Variants in RBMS3 observed in about 807,000 individuals in gnomAD.
RBMS3 encodes RNA binding motif single stranded interacting protein 3.
A neutral mutation model predicts 66.8 loss-of-function variants in RBMS3; 27 were observed. The observed-to-expected ratio is 0.40, with a 90% CI of 0.30 to 0.56. RBMS3 has a LOEUF of 0.56. Among genes scored for constraint, RBMS3 ranks in the 20% least tolerant of loss-of-function variants. The pLI, the probability that RBMS3 is intolerant of heterozygous loss-of-function variation, is 0.40. For synonymous variants in RBMS3, 188 were observed against 183.0 expected (o/e 1.03, Z -0.22); for missense variants, 513 against 549.5 (o/e 0.93, Z 0.66).
At chr3:29,497,173 C>G (rs1428266660) in intron 3 of RBMS3, among the ~76,000 whole-genome samples, 1 of 151,966 alleles carries the variant, frequency 6.6e-6, no homozygotes, top group Non-Finnish European at 1.5e-5. Flanking sequence ...CCATGCCTGG[C>G]TAATTTTTTG....
intron 4 of RBMS3, among the ~76,000 whole-genome samples, chr3:29,634,196 T>G (rs2049386726): frequency 6.6e-6 from 1 of 151,932 alleles, no homozygotes; most frequent in Non-Finnish European, 1.5e-5. Flanking sequence ...GAGGTGGATT[T>G]TTACTACCTA....
intron 6 of RBMS3, among the ~76,000 whole-genome samples, chr3:29,827,457 C>T (rs2058240401): frequency 6.6e-6 from 1 of 152,092 alleles, no homozygotes; most frequent in African/African-American, 2.4e-5. Flanking sequence ...AAGAAATATC[C>T]TGGCATTATA....
intron 5 of RBMS3, among the ~76,000 whole-genome samples, chr3:29,755,953 T>A (rs896778053): frequency 6.6e-6 from 1 of 152,106 alleles, no homozygotes; most frequent in Admixed American, 6.5e-5. Context: ...GTTAAATAAT[T>A]TTTCTTTTCT....
chr3:29,638,017 A>G (rs962435944), intron 4 of RBMS3, among the ~76,000 whole-genome samples: 1 of 151,898 alleles, frequency 6.6e-6, no homozygotes, highest in Admixed American at 6.6e-5. Context: ...CATGGTTTGT[A>G]AAAGGATACT....
intron 14 of RBMS3, 116 bp downstream of exon 14, chr3:29,991,325 G>C: frequency 1.3e-6 from 2 of 1,510,724 alleles, no homozygotes; most frequent in South Asian, 2.6e-5. Context: ...CTTAGCAACA[G>C]GCATTTATTT....
intron 3 of RBMS3, among the ~76,000 whole-genome samples, chr3:29,506,708 C>A (rs2044194731): frequency 6.6e-6 from 1 of 151,890 alleles, no homozygotes; most frequent in Non-Finnish European, 1.5e-5. Flanking sequence ...AGGTCCCGGA[C>A]TTTTCTTTCA....
At chr3:29,365,233 T>C (rs1267164911) in intron 1 of RBMS3, among the ~76,000 whole-genome samples, 1 of 152,066 alleles carries the variant, frequency 6.6e-6, no homozygotes, top group Non-Finnish European at 1.5e-5. Context: ...TGGAATAATA[T>C]TTGTGGGAAA....
chr3:29,996,676 C>T (rs1699265747), intron 14 of RBMS3, among the ~76,000 whole-genome samples: 3 of 151,808 alleles, frequency 2.0e-5, no homozygotes, highest in East Asian at 1.9e-4. Context: ...CTACTGGGTA[C>T]ATAACGAAAT....
At position 29,667,971 on chromosome 3, in the gene RBMS3, G is replaced by T. The variant is rs376387036; in HGVS notation, c.400-71749G>T. 6.2e-4 allele frequency among the ~76,000 whole-genome samples: 94 copies of T among 152,218 alleles called. 1 individual carries two copies. In the Middle Eastern group the frequency reaches 0.027, roughly 44 times the overall value. On this transcript the variant is annotated intron_variant, in intron 4 of 14. Coordinates refer to ENST00000383767, the MANE Select transcript of RBMS3 (RefSeq NM_001003793.3). The stretch of plus-strand genomic sequence containing the variant: ...ACCAATCAGAATAAGGATAGGAGAT[G>T]TTCACCAAGACACTTCCTTTACTAT...
intron 4 of RBMS3, among the ~76,000 whole-genome samples, chr3:29,634,652 TA>T (rs2049410381): frequency 6.6e-6 from 1 of 151,870 alleles, no homozygotes; most frequent in Non-Finnish European, 1.5e-5. Flanking sequence ...TTTACTGAAT[TA>T]TTCCCCCTTT....
At chr3:29,284,353 C>T (rs1006551518) in intron 1 of RBMS3, among the ~76,000 whole-genome samples, 1 of 152,048 alleles carries the variant, frequency 6.6e-6, no homozygotes, top group African/African-American at 2.4e-5. Context: ...GGGCTATTTA[C>T]TATCATTAGT....
intron 4 of RBMS3, among the ~76,000 whole-genome samples, chr3:29,647,309 G>A (rs773966820): frequency 1.3e-5 from 2 of 152,100 alleles, no homozygotes; most frequent in Non-Finnish European, 1.5e-5. Flanking sequence ...GCTGAAATCT[G>A]AATGCCCAGG....
intron 3 of RBMS3, among the ~76,000 whole-genome samples, chr3:29,546,144 G>GTT (rs964401006): frequency 5.0e-5 from 6 of 119,080 alleles, no homozygotes; most frequent in Admixed American, 4.2e-4. Flanking sequence ...GTGTGTGTGT[G>GTT]TGTGTGTGTT....
chr3:29,862,922 A>G (rs933254650), intron 6 of RBMS3, among the ~76,000 whole-genome samples: 1 of 152,064 alleles, frequency 6.6e-6, no homozygotes, highest in African/African-American at 2.4e-5. Flanking sequence ...AAGGATACTA[A>G]TAAAGATATG....
At chr3:29,968,888 A>C (rs1697043119) in intron 12 of RBMS3, among the ~76,000 whole-genome samples, 1 of 152,180 alleles carries the variant, frequency 6.6e-6, no homozygotes, top group African/African-American at 2.4e-5. Context: ...ATGCGTTAAC[A>C]TTTGACCCTA....
In RBMS3 at chr3:29,929,712, G is replaced by A. The variant is rs79532399; in HGVS notation, c.940-6374G>A. 1.2e-4 allele frequency among the ~76,000 whole-genome samples: 18 copies of A among 152,148 alleles called. 1 individual carries two copies. The East Asian group carries it at 3.3e-3, about 28-fold the overall frequency. On this transcript the variant is annotated intron_variant, in intron 10 of 14. Coordinates refer to ENST00000383767, the MANE Select transcript of RBMS3 (RefSeq NM_001003793.3). The stretch of plus-strand genomic sequence containing the variant: ...TAATTAATAGATATTCTGTTATTGG[G>A]AAATCTATGTACATGTACATATCTC...
intron 12 of RBMS3, among the ~76,000 whole-genome samples, chr3:29,951,503 T>G (rs1026436518): frequency 7.9e-5 from 12 of 151,866 alleles, no homozygotes; most frequent in Middle Eastern, 3.4e-3. Flanking sequence ...CCTTTATATA[T>G]ACACAACAAT....
At chr3:29,888,154 C>T (rs961287064) in intron 8 of RBMS3, among the ~76,000 whole-genome samples, 2 of 151,654 alleles carry the variant, frequency 1.3e-5, no homozygotes, top group African/African-American at 4.8e-5. Flanking sequence ...AACATTGTAT[C>T]CTTTAAACTA....
At chr3:29,622,933 G>A (rs2048917670) in intron 4 of RBMS3, among the ~76,000 whole-genome samples, 1 of 152,034 alleles carries the variant, frequency 6.6e-6, no homozygotes. Context: ...TGGCTAACAC[G>A]GTGAAACCCC....
Sources: gnomAD v4.1 joint callset for allele counts (sites outside exome capture counted in the v4.1 genomes callset) on GRCh38, gnomAD v4.1.1 for gene constraint, MANE v1.5 for transcripts, NCBI Gene and HGNC (gene_info 2026-07-23, HGNC 2026-07-21) for gene names.